TXLNB: variants seen among roughly 807,000 people sequenced by gnomAD.
The protein encoded by TXLNB is taxilin beta.
A neutral mutation model predicts 57.4 loss-of-function variants in TXLNB; 37 were observed. The ratio of observed to expected loss-of-function variants is 0.64; its 90% CI spans 0.50 to 0.85. The LOEUF (loss-of-function observed/expected upper bound fraction) is 0.85. Ranked by LOEUF, TXLNB falls within the 40% of genes least tolerant of loss-of-function variation. TXLNB has a pLI of 0.00. For synonymous variants in TXLNB, 302 were observed against 309.6 expected (o/e 0.98, Z 0.26); for missense variants, 848 against 825.6 (o/e 1.03, Z -0.33).
chr6:139,177,491 A>G, the TXLNB span: 4,480 of 159,962 alleles, frequency 0.028, 82 homozygotes, highest in East Asian at 0.054. This position sits in a 1 kb window ranked among gnomAD's most constrained non-coding sequence, Gnocchi z 4.9. Flanking sequence ...CTTCTTTTAG[A>G]TCTTCCTTGG....
chr6:139,219,972 C>T, the TXLNB span, among the ~76,000 whole-genome samples: 3 of 152,214 alleles, frequency 2.0e-5, no homozygotes, highest in Non-Finnish European at 4.4e-5. Context: ...CATTTCCTGA[C>T]AGCTGAATCT....
chr6:139,242,229 C>G lies in TXLNB; in HGVS notation c.*297G>C. 1 of 236,318 alleles carries G rather than the reference C, an allele frequency of 4.2e-6. No individual in the cohort carries two copies. The highest frequency in any genetic ancestry group is 8.0e-6 in the Non-Finnish European group (1 of 124,458). The allele number at this position is 236,318 out of a possible 1,614,324, so 14.6% of individuals were successfully genotyped here. ...AACATCAAATCTTACTGGTGATTAA[C>G]AAATTTAAGTATTATCTTAACAGAA... On this transcript the variant is annotated 3_prime_UTR_variant, in exon 10 of 10. Coordinates refer to ENST00000358430, the MANE Select transcript of TXLNB (RefSeq NM_153235.4).
the TXLNB span, among the ~76,000 whole-genome samples, chr6:139,207,484 G>A: frequency 0.015 from 2,281 of 152,294 alleles, 40 homozygotes; most frequent in African/African-American, 0.049. Flanking sequence ...AGCAAAAGCA[G>A]TGCTAAGAGG....
At chr6:139,238,375 T>C (rs1264432513), downstream of TXLNB, among the ~76,000 whole-genome samples, 1 of 152,074 alleles carries the variant, frequency 6.6e-6, no homozygotes, top group Non-Finnish European at 1.5e-5. Context: ...GCCTGGGCAA[T>C]AGAGTGAGAC....
chr6:139,229,203 T>A, the TXLNB span, among the ~76,000 whole-genome samples: 17 of 152,162 alleles, frequency 1.1e-4, no homozygotes, highest in African/African-American at 4.1e-4. Flanking sequence ...GATGACCCAA[T>A]ACCATATTGA....
chr6:139,209,520 T>C, the TXLNB span, among the ~76,000 whole-genome samples: 51,760 of 151,672 alleles, frequency 0.34, 9,382 homozygotes, highest in African/African-American at 0.47. Context: ...AAATCATGTA[T>C]GTAGACCAAT....
the TXLNB span, among the ~76,000 whole-genome samples, chr6:139,164,080 A>T: frequency 5.6e-3 from 826 of 148,098 alleles, 3 homozygotes; most frequent in Non-Finnish European, 8.2e-3. Context: ...ACACACACAC[A>T]CTCTCTCTCT....
chr6:139,291,165 C>T (rs371424015), intron 1 of TXLNB, among the ~76,000 whole-genome samples: 11 of 152,202 alleles, frequency 7.2e-5, no homozygotes, highest in African/African-American at 2.2e-4. Flanking sequence ...ACCTGCTGTC[C>T]AGCCAGAAGT....
chr6:139,243,673 G>C (rs1169969436), intron 9 of TXLNB, among the ~76,000 whole-genome samples: 1 of 152,092 alleles, frequency 6.6e-6, no homozygotes, highest in Non-Finnish European at 1.5e-5. Flanking sequence ...CTTGCGGCAA[G>C]ATAAATGAGA....
At chr6:139,199,933 A>G in the TXLNB span, 1 of 152,208 alleles carries the variant, frequency 6.6e-6, no homozygotes, top group Admixed American at 6.5e-5. Context: ...AATGGGCCTC[A>G]CAGACCTCCA....
chr6:139,165,159 G>T, the TXLNB span, among the ~76,000 whole-genome samples: 1 of 152,132 alleles, frequency 6.6e-6, no homozygotes, highest in Non-Finnish European at 1.5e-5. Context: ...GGAAATGGAA[G>T]ATTAAACAGA....
the TXLNB span, among the ~76,000 whole-genome samples, chr6:139,201,409 C>G: frequency 2.6e-4 from 39 of 152,306 alleles, no homozygotes; most frequent in African/African-American, 9.4e-4. Flanking sequence ...CCAGTGTTAG[C>G]TGGCACGATA....
the TXLNB span, among the ~76,000 whole-genome samples, chr6:139,228,389 G>T: frequency 1.3e-5 from 2 of 152,086 alleles, no homozygotes; most frequent in East Asian, 1.9e-4. Flanking sequence ...AGCTGGGCAT[G>T]GTGGTGGGCA....
At chr6:139,281,539 CTTTTT>C (rs745650982) in intron 2 of TXLNB, among the ~76,000 whole-genome samples, 1 of 57,486 alleles carries the variant, frequency 1.7e-5, no homozygotes, top group Non-Finnish European at 2.9e-5. Flanking sequence ...ATCTGGAGTT[CTTTTT>C]TTTTTTTTTT....
At chr6:139,208,097 G>C in the TXLNB span, among the ~76,000 whole-genome samples, 3 of 151,900 alleles carry the variant, frequency 2.0e-5, no homozygotes, top group Admixed American at 1.3e-4. Flanking sequence ...AAGAGAGAGA[G>C]AGAGAAACTG....
chr6:139,292,663 T>C (rs1225025588), upstream of TXLNB, among the ~76,000 whole-genome samples: 1 of 152,208 alleles, frequency 6.6e-6, no homozygotes, highest in African/African-American at 2.4e-5. The surrounding 1 kb of genome is among the most constrained non-coding windows in gnomAD (Gnocchi z 4.0). Context: ...CCCAGGTAAC[T>C]CTTCCCATCT....
chr6:139,162,171 C>A, the TXLNB span, among the ~76,000 whole-genome samples: 3 of 152,042 alleles, frequency 2.0e-5, no homozygotes. Context: ...TATGAAGAGT[C>A]CCCATGATGA....
the TXLNB span, among the ~76,000 whole-genome samples, chr6:139,168,617 A>C: frequency 6.6e-6 from 1 of 151,950 alleles, no homozygotes; most frequent in Non-Finnish European, 1.5e-5. Context: ...CTGGTGTACC[A>C]CATAGCTGTC....
chr6:139,214,394 T>C, the TXLNB span, among the ~76,000 whole-genome samples: 5,764 of 152,258 alleles, frequency 0.038, 143 homozygotes, highest in Non-Finnish European at 0.056. Context: ...ATTATCTCAA[T>C]AGATGCAGAA....
Sources: allele counts gnomAD v4.1 joint callset (sites outside exome capture counted in the v4.1 genomes callset), GRCh38; gene constraint gnomAD v4.1.1; non-coding constraint Gnocchi (gnomAD v3.1); transcripts MANE v1.5; gene names NCBI Gene and HGNC (gene_info 2026-07-23, HGNC 2026-07-21).